FAM135A: variants seen among roughly 807,000 people sequenced by gnomAD.
FAM135A encodes family with sequence similarity 135 member A.
Under a neutral mutation model 146.8 loss-of-function variants are expected in FAM135A, and 79 were observed. That is an observed-to-expected ratio of 0.54 (90% CI 0.45 to 0.65). The LOEUF (loss-of-function observed/expected upper bound fraction) is 0.65, where lower values mean the gene tolerates loss of function less well. Ranked by LOEUF, FAM135A falls within the 30% of genes least tolerant of loss-of-function variation. The pLI is 0.00. For synonymous variants in FAM135A, 562 were observed against 603.6 expected, an observed-to-expected ratio of 0.93 and a Z score of 1.01; for missense variants, 1,623 against 1,758.2, an observed-to-expected ratio of 0.92 and a Z score of 1.38.
At chr6:70,488,480 A>C (rs193146480) in intron 10 of FAM135A, among the ~76,000 whole-genome samples, 13 of 145,114 alleles carry the variant, frequency 9.0e-5, no homozygotes, top group Admixed American at 6.2e-4. Flanking sequence ...CCCCCCCAGA[A>C]ATATATGATA....
At chr6:70,460,640 G>A (rs113138660) in intron 5 of FAM135A, among the ~76,000 whole-genome samples, 1 of 152,156 alleles carries the variant, frequency 6.6e-6, no homozygotes, top group Non-Finnish European at 1.5e-5. Flanking sequence ...CTTTGGTATT[G>A]ATGTGGATCA....
At chr6:70,531,992 C>T (rs988416134) in intron 16 of FAM135A, among the ~76,000 whole-genome samples, 1 of 148,950 alleles carries the variant, frequency 6.7e-6, no homozygotes, top group East Asian at 2.0e-4. Flanking sequence ...AGACCATTCT[C>T]CTGCCTCAGC....
intron 2 of FAM135A, among the ~76,000 whole-genome samples, chr6:70,415,763 G>C (rs1233013859): frequency 6.6e-6 from 1 of 152,022 alleles, no homozygotes; most frequent in Non-Finnish European, 1.5e-5. Flanking sequence ...GATTTGTGGT[G>C]GACAGCAGGC....
At chr6:70,509,023 G>A (rs1053640059) in intron 12 of FAM135A, among the ~76,000 whole-genome samples, 2 of 152,114 alleles carry the variant, frequency 1.3e-5, no homozygotes, top group South Asian at 2.1e-4. Context: ...CTTAAAATGC[G>A]TGCACTGTTA....
rs904382698 is a variant in FAM135A, at chr6:70,524,852, A to G, written c.1768A>G (p.Ile590Val). The G allele has an allele frequency of 6.3e-7, 1 of 1,599,884 alleles. No individual in the cohort carries two copies. The highest frequency in any genetic ancestry group is 8.5e-7 in the Non-Finnish European group (1 of 1,172,752). The change falls in exon 15 of 22, where the codon ATT becomes GTT. Residue 590 changes from isoleucine to valine, a missense_variant. By Grantham distance (29) the Ile-to-Val change is conservative (BLOSUM62 3). Coordinates refer to ENST00000418814, the MANE Select transcript of FAM135A (RefSeq NM_001162529.3). ...GAGAACTGAACAAAAGTCTCCAGAT[A>G]TTGAAAATGTTCAACCAGACCAGTT... ...TERTEQKSPD[I>V]ENVQPDQFDP...
In FAM135A at chr6:70,560,032, TTA is replaced by T. The variant is rs1269878208; in HGVS notation, c.*115_*116del. On this transcript the variant is annotated 3_prime_UTR_variant, in exon 22 of 22. Transcript: ENST00000418814. ...AGTTCTAAGAAATATTTATACCTTT[TTA>T]TATGGAAGATAATTTATATCATCCA... 1 of 822,330 alleles carries T rather than the reference TTA, an allele frequency of 1.2e-6. No homozygotes were observed. Among genetic ancestry groups the T allele is most frequent in the African/African-American group, 1.7e-5 (1 of 57,404 alleles). The allele number at this position is 822,330 out of a possible 1,614,324, so 50.9% of individuals were successfully genotyped here. A position where few individuals can be genotyped will look rare whatever the true frequency, so the allele number is the denominator to read the frequency against.
intron 16 of FAM135A, among the ~76,000 whole-genome samples, chr6:70,530,747 C>T (rs974434108): frequency 1.3e-5 from 2 of 151,876 alleles, no homozygotes; most frequent in African/African-American, 4.8e-5. Flanking sequence ...AGTGAGACTC[C>T]ATCTCAAACA....
chr6:70,517,448 T>C (rs6906689), intron 12 of FAM135A, among the ~76,000 whole-genome samples: 29,176 of 148,802 alleles, frequency 0.2, 3,205 homozygotes, highest in African/African-American at 0.28. Flanking sequence ...GATGGAGTTT[T>C]GCTCTTGTCA....
At chr6:70,559,513 A>T (rs921025755) in intron 21 of FAM135A, among the ~76,000 whole-genome samples, 1 of 152,170 alleles carries the variant, frequency 6.6e-6, no homozygotes, top group African/African-American at 2.4e-5. Context: ...ACTTGACTAG[A>T]TAATGTGATT....
rs1254200048 is a variant in FAM135A, at chr6:70,513,695, A to G, written c.1030-8818A>G. ...GTAGAAGTATAATTGATTTTTGCAT[A>G]TTGACCTTATACTTTATTGCTTTGC... is the stretch of plus-strand genomic sequence containing the variant. On this transcript the variant is annotated intron_variant, in intron 12 of 21. Coordinates refer to ENST00000418814, the MANE Select transcript of FAM135A (RefSeq NM_001162529.3). 2.6e-5 allele frequency among the ~76,000 whole-genome samples: 4 copies of G among 152,040 alleles called. No individual in the cohort carries two copies. In the East Asian group the frequency reaches 7.7e-4, roughly 29 times the overall value.
intron 5 of FAM135A, among the ~76,000 whole-genome samples, chr6:70,470,069 A>G (rs1781302609): frequency 6.6e-6 from 1 of 152,176 alleles, no homozygotes; most frequent in South Asian, 2.1e-4. Flanking sequence ...CATAGTATCT[A>G]TGTTAGATAC....
intron 10 of FAM135A, among the ~76,000 whole-genome samples, chr6:70,488,498 C>A (rs1439796874): frequency 6.9e-6 from 1 of 145,022 alleles, no homozygotes; most frequent in South Asian, 2.3e-4. Flanking sequence ...ATAATCATCA[C>A]ATTTATACAT....
chr6:70,455,381 T>TACAC (rs34915267), intron 5 of FAM135A, among the ~76,000 whole-genome samples: 2,171 of 146,140 alleles, frequency 0.015, 36 homozygotes, highest in Middle Eastern at 0.035. Flanking sequence ...TTATGACAAA[T>TACAC]ACACACACAC....
In FAM135A at chr6:70,452,617, C is replaced by G. The variant is rs759907533; in HGVS notation, c.157+46C>G. On this transcript the variant is annotated intron_variant, in intron 5 of 21. Coordinates refer to ENST00000418814, the MANE Select transcript of FAM135A (RefSeq NM_001162529.3). ...AAATTTAAAAAGTAATCTGAATGGT[C>G]AATAACTTTTAATAAAGTTTTTTCA... 6 of 1,405,832 alleles carry G rather than the reference C, an allele frequency of 4.3e-6. No homozygotes were observed. The African/African-American group carries it at 8.9e-5, about 21-fold the overall frequency. The allele number at this position is 1,405,832 out of a possible 1,614,324, so 87.1% of individuals were successfully genotyped here.
At chr6:70,526,868 A>G (rs1370817330) in intron 15 of FAM135A, among the ~76,000 whole-genome samples, 170 bp downstream of exon 15, 7 of 151,654 alleles carry the variant, frequency 4.6e-5, no homozygotes, top group Non-Finnish European at 8.8e-5. Flanking sequence ...TGGTTTCTGT[A>G]ATACAAAAGT....
intron 4 of FAM135A, among the ~76,000 whole-genome samples, chr6:70,450,736 T>TG: frequency 9.5e-6 from 1 of 105,378 alleles, no homozygotes; most frequent in African/African-American, 4.0e-5. Context: ...TTTTTTTTTT[T>TG]TTTTTTTTTT....
At chr6:70,443,733 CTG>C (rs1162813994) in intron 4 of FAM135A, among the ~76,000 whole-genome samples, 1 of 152,128 alleles carries the variant, frequency 6.6e-6, no homozygotes, top group Non-Finnish European at 1.5e-5. Context: ...TTTCTGTAAA[CTG>C]TTTAATCATA....
chr6:70,418,171 C>T (rs1026706274), intron 2 of FAM135A, among the ~76,000 whole-genome samples: 1 of 152,156 alleles, frequency 6.6e-6, no homozygotes, highest in African/African-American at 2.4e-5. Context: ...TTCTACTAAG[C>T]TCACCTTTGC....
At chr6:70,462,284 A>G (rs1779583242) in intron 5 of FAM135A, among the ~76,000 whole-genome samples, 1 of 152,186 alleles carries the variant, frequency 6.6e-6, no homozygotes, top group African/African-American at 2.4e-5. Flanking sequence ...TCAGTGTGAC[A>G]TTGACGGCCA....
Sources: gnomAD v4.1 joint callset for allele counts (sites outside exome capture counted in the v4.1 genomes callset) on GRCh38, gnomAD v4.1.1 for gene constraint, MANE v1.5 for transcripts, NCBI Gene and HGNC (gene_info 2026-07-23, HGNC 2026-07-21) for gene names.